The following PLXDC2 variants were observed in gnomAD, a reference collection of about 807,000 sequenced individuals.
PLXDC2 encodes the protein plexin domain containing 2.
PLXDC2 carries 40 observed loss-of-function variants against 68.9 expected under a neutral mutation model. That is an observed-to-expected ratio of 0.58 (90% CI 0.45 to 0.76). The LOEUF (loss-of-function observed/expected upper bound fraction) is 0.76, where lower values mean the gene tolerates loss of function less well. Ranked by LOEUF, PLXDC2 falls within the 30% of genes least tolerant of loss-of-function variation. The pLI is 0.00. For synonymous variants in PLXDC2, 243 were observed against 234.2 expected, an observed-to-expected ratio of 1.04 and a Z score of -0.34; for missense variants, 644 against 661.9, an observed-to-expected ratio of 0.97 and a Z score of 0.30.
chr10:20,052,123 T>C lies in PLXDC2; in HGVS notation c.471+5108T>C, dbSNP rs573357037. On this transcript the variant is annotated intron_variant, in intron 3 of 13. Transcript: ENST00000377252. The stretch of plus-strand genomic sequence containing the variant: ...ACCAGATTGGTAATATTAACTAGTT[T>C]CCATTTGAAAAAAAATGCTATGTGA... Among the ~76,000 whole-genome samples the C allele has an allele frequency of 2.0e-5, 3 of 152,040 alleles. No homozygotes were observed. In the South Asian group the frequency reaches 6.2e-4, roughly 32 times the overall value.
chr10:20,227,845 C>T (rs1172181646), intron 12 of PLXDC2, among the ~76,000 whole-genome samples: 1 of 151,850 alleles, frequency 6.6e-6, no homozygotes, highest in Non-Finnish European at 1.5e-5. Flanking sequence ...ACTAGTAATC[C>T]ATAGAAGCAA....
At chr10:19,950,826 G>C (rs1283914978) in intron 1 of PLXDC2, among the ~76,000 whole-genome samples, 1 of 152,140 alleles carries the variant, frequency 6.6e-6, no homozygotes. Flanking sequence ...CAACAGACTA[G>C]AGAACTCAGA....
intron 13 of PLXDC2, among the ~76,000 whole-genome samples, chr10:20,245,879 C>T (rs1464212862): frequency 6.6e-6 from 1 of 152,188 alleles, no homozygotes; most frequent in East Asian, 1.9e-4. Context: ...AAGTTAATTG[C>T]TCAGTAAATG....
intron 1 of PLXDC2, among the ~76,000 whole-genome samples, chr10:19,874,907 T>G (rs1490251694): frequency 3.9e-5 from 6 of 152,126 alleles, no homozygotes; most frequent in African/African-American, 1.4e-4. Flanking sequence ...GCACCTGTTC[T>G]TCGAGGTTCT....
chr10:20,194,625 G>C (rs1834813051), intron 9 of PLXDC2, among the ~76,000 whole-genome samples: 1 of 151,500 alleles, frequency 6.6e-6, no homozygotes, highest in African/African-American at 2.4e-5. Context: ...TCTTTTTTGA[G>C]GTAAATTTAT....
intron 1 of PLXDC2, among the ~76,000 whole-genome samples, chr10:19,957,384 G>A (rs113809389): frequency 1.4e-3 from 210 of 152,218 alleles, no homozygotes; most frequent in African/African-American, 4.7e-3. Context: ...TCTGATACCC[G>A]AAAGTAGCCC....
chr10:20,074,389 C>G (rs118178833), intron 4 of PLXDC2, among the ~76,000 whole-genome samples: 46 of 152,168 alleles, frequency 3.0e-4, no homozygotes, highest in Non-Finnish European at 4.6e-4. Flanking sequence ...GTAAATCTCC[C>G]TTCTTCCTTT....
At chr10:19,903,436 C>T (rs551969109) in intron 1 of PLXDC2, among the ~76,000 whole-genome samples, 2 of 151,836 alleles carry the variant, frequency 1.3e-5, no homozygotes, top group South Asian at 4.2e-4. Flanking sequence ...TTATCCATCT[C>T]CTCTAGGTTT....
chr10:19,933,163 A>C (rs10827906), intron 1 of PLXDC2, among the ~76,000 whole-genome samples: 42,598 of 151,944 alleles, frequency 0.28, 6,637 homozygotes, highest in African/African-American at 0.4. Flanking sequence ...CCTGTCAAGC[A>C]AAGGTTCTAC....
At chr10:19,896,969 T>C (rs900356618) in intron 1 of PLXDC2, among the ~76,000 whole-genome samples, 1 of 152,202 alleles carries the variant, frequency 6.6e-6, no homozygotes, top group Non-Finnish European at 1.5e-5. Context: ...TTGATTATTG[T>C]CTTACTCCCT....
At chr10:20,230,621 A>G (rs1835348339) in intron 12 of PLXDC2, among the ~76,000 whole-genome samples, 1 of 140,274 alleles carries the variant, frequency 7.1e-6, no homozygotes, top group South Asian at 2.4e-4. Flanking sequence ...GCAGTGAGTC[A>G]TGGTCACACC....
rs1386214863 is a variant in PLXDC2, at chr10:20,001,871, A to G, written c.209A>G (p.Asp70Gly). 2.5e-6 allele frequency: 4 copies of G among 1,613,912 alleles called. No homozygotes were observed. The Admixed American group carries it at 6.7e-5, about 27-fold the overall frequency. ...AGCCACAGGTGGAAAAGAAACTTGG[A>G]CTTTCTCAAGGCGGTAGACACGAAC... ...AYSHRWKRNL[D>G]FLKAVDTNRA... is the part of the protein sequence containing the mutation. The change falls in exon 2 of 14, where the codon GAC becomes GGC. Residue 70 changes from aspartate to glycine, a missense_variant. Physicochemically the swap from Asp to Gly is moderately conservative, Grantham distance 94. This residue lies in a region of PLXDC2 where 201 missense variants were observed against 166.9 expected (regional missense o/e 1.20). Coordinates refer to ENST00000377252, the MANE Select transcript of PLXDC2 (RefSeq NM_032812.9).
At chr10:20,003,799 G>A (rs1487811929) in intron 2 of PLXDC2, among the ~76,000 whole-genome samples, 1 of 152,142 alleles carries the variant, frequency 6.6e-6, no homozygotes, top group Non-Finnish European at 1.5e-5. Flanking sequence ...CCTGAGAGTG[G>A]TATGAAGACA....
intron 2 of PLXDC2, among the ~76,000 whole-genome samples, chr10:20,032,697 A>T (rs1016729206): frequency 6.6e-6 from 1 of 151,814 alleles, no homozygotes. Flanking sequence ...GTTATATAGA[A>T]CTGGTTTTAT....
At chr10:20,243,021 A>G (rs1588538912) in intron 12 of PLXDC2, among the ~76,000 whole-genome samples, 1 of 152,100 alleles carries the variant, frequency 6.6e-6, no homozygotes, top group Admixed American at 6.6e-5. Flanking sequence ...TCCAATGTTA[A>G]TTCTTTAACT....
At chr10:20,107,513 CTTTTTT>C (rs1469732205) in intron 4 of PLXDC2, among the ~76,000 whole-genome samples, 1 of 152,038 alleles carries the variant, frequency 6.6e-6, no homozygotes, top group Non-Finnish European at 1.5e-5. Context: ...ACCTAAAGTT[CTTTTTT>C]TGTTTTTAAT....
chr10:20,045,641 T>C (rs1024404346), intron 2 of PLXDC2, among the ~76,000 whole-genome samples: 2 of 151,198 alleles, frequency 1.3e-5, no homozygotes, highest in African/African-American at 4.8e-5. Flanking sequence ...GATGATTTGT[T>C]AAAAAAAAAT....
chr10:19,847,803 T>G (rs1837038221), intron 1 of PLXDC2, among the ~76,000 whole-genome samples: 2 of 152,174 alleles, frequency 1.3e-5, no homozygotes, highest in South Asian at 4.1e-4. Flanking sequence ...AGTCTATATT[T>G]TGGCTTTATT....
chr10:20,268,033 A>C (rs1835893189), intron 13 of PLXDC2, among the ~76,000 whole-genome samples: 1 of 152,130 alleles, frequency 6.6e-6, no homozygotes, highest in Admixed American at 6.6e-5. Flanking sequence ...TGGAGCCCTA[A>C]GTAAGGAATG....
Sources: allele counts gnomAD v4.1 joint callset (sites outside exome capture counted in the v4.1 genomes callset), GRCh38; gene constraint gnomAD v4.1.1; regional missense constraint gnomAD v4.1.1; transcripts MANE v1.5; gene names NCBI Gene and HGNC (gene_info 2026-07-23, HGNC 2026-07-21).